The following KMT2B variants were observed in gnomAD, a reference collection of about 807,000 sequenced individuals.
The protein encoded by KMT2B is histone-lysine N-methyltransferase 2B.
A neutral mutation model predicts 255.3 loss-of-function variants in KMT2B; 22 were observed. The ratio of observed to expected loss-of-function variants is 0.09; its 90% CI spans 0.06 to 0.12. KMT2B has a LOEUF of 0.12. Among genes scored for constraint, KMT2B ranks in the 10% least tolerant of loss-of-function variants. KMT2B has a pLI of 1.00. For missense variants in KMT2B, 3,149 were observed against 3,737.0 expected, an observed-to-expected ratio of 0.84 and a Z score of 4.10; for synonymous variants, 1,730 against 1,498.1, an observed-to-expected ratio of 1.15 and a Z score of -3.57.
In KMT2B at chr19:35,720,660, C is replaced by A; in HGVS notation, c.1313C>A (p.Pro438Gln). ...LCPPPPPPVS[P>Q]PPLPSPPPPP... ...CCTCCACCACCACCCCCAGTGTCCC[C>A]ACCACCTCTACCATCCCCTCCACCG... Residue 438 changes from proline to glutamine, a missense_variant, in exon 3 of 37, where the codon CCA becomes CAA. Around this residue, in one of 18 missense-constraint regions of KMT2B, gnomAD observed 1,188 missense variants for 1,106.4 expected, o/e 1.07. Coordinates refer to ENST00000420124, the MANE Select transcript of KMT2B (RefSeq NM_014727.3). 1 of 1,477,462 alleles carries A rather than the reference C, an allele frequency of 6.8e-7. No homozygotes were observed. The highest frequency in any genetic ancestry group is 1.4e-5 in the South Asian group (1 of 70,584). 91.5% of individuals were successfully genotyped at this position (1,477,462 alleles called of 1,614,324 possible).
Position 35,720,650 on chromosome 19 carries a change from C to G in KMT2B, c.1303C>G (p.Pro435Ala), listed in dbSNP as rs748073369. ...CCCACTCTGCCCTCCACCACCACCC[C>G]CAGTGTCCCCACCACCTCTACCATC... ...PPPLCPPPPP[P>A]VSPPPLPSPP... The change falls in exon 3 of 37, where the codon CCA (proline) becomes GCA (alanine). Residue 435 changes from proline (P) to alanine (A), a missense_variant. Pro to Ala is a conservative substitution (Grantham distance 27, BLOSUM62 -1). This residue lies in a region of KMT2B where 1,188 missense variants were observed against 1,106.4 expected (regional missense o/e 1.07). Coordinates refer to ENST00000420124, the MANE Select transcript of KMT2B (RefSeq NM_014727.3). 73 of 1,474,038 alleles carry G rather than the reference C, an allele frequency of 5.0e-5. 1 individual carries two copies. The East Asian group carries it at 5.0e-4, about 10-fold the overall frequency. The allele number at this position is 1,474,038 out of a possible 1,614,324, so 91.3% of individuals were successfully genotyped here.
chr19:35,719,444 C>T (rs1039049978), intron 1 of KMT2B, 25 bp from the exon 2 acceptor site: 66 of 1,551,034 alleles, frequency 4.3e-5, no homozygotes, highest in Non-Finnish European at 5.4e-5. Flanking sequence ...CTGTTTCTCC[C>T]CTCCACCCCG....
chr19:35,733,362 G>A lies in KMT2B; in HGVS notation c.6813G>A (p.Pro2271=), dbSNP rs1228382612. ...TLVLSSGPAS[P]PRQAIRVKRV... ...TGCTGAGCAGTGGGCCAGCCAGCCC[G>A]CCCCGCCAGGCCATCCGCGTCAAGA... is the stretch of plus-strand genomic sequence containing the variant. Residue 2271 remains proline (P), a synonymous_variant, in exon 28 of 37, where the codon CCG becomes CCA. Transcript: ENST00000420124. This position sits in a 1 kb window ranked among gnomAD's most constrained non-coding sequence, Gnocchi z 4.3. 3.0e-5 allele frequency: 39 copies of A among 1,288,506 alleles called. No individual in the cohort carries two copies. Among genetic ancestry groups the A allele is most frequent in the South Asian group, 3.7e-5 (3 of 80,540 alleles). 79.8% of individuals were successfully genotyped at this position (1,288,506 alleles called of 1,614,324 possible).
Position 35,726,355 on chromosome 19 carries a change from T to G in KMT2B, c.4003+2T>G. 15 of 1,564,444 alleles carry G rather than the reference T, an allele frequency of 9.6e-6. No homozygotes were observed. The highest frequency in any genetic ancestry group is 1.3e-5 in the African/African-American group (1 of 74,086). On this transcript the variant is annotated splice_donor_variant, in intron 14 of 36. Transcript: ENST00000420124. LOFTEE classifies it high-confidence loss of function. The stretch of plus-strand genomic sequence containing the variant: ...GGTGCACCCAGCTATATGAGAAAGG[T>G]GGGGACCGGGCAGGGGAACTGGATG...
chr19:35,737,805 G>C lies in KMT2B; in HGVS notation c.7659-54G>C. On this transcript the variant is annotated intron_variant, in intron 34 of 36. Coordinates refer to ENST00000420124, the MANE Select transcript of KMT2B (RefSeq NM_014727.3). The surrounding 1 kb of genome is among the most constrained non-coding windows in gnomAD (Gnocchi z 5.3). Reference sequence around the variant, plus strand: ...GAAGGGTCTTAGAGAGTGAGCAGGGGTGAGAGAGGTCATTCTGAGCACCAG... The same window carrying C: ...GAAGGGTCTTAGAGAGTGAGCAGGGCTGAGAGAGGTCATTCTGAGCACCAG... 2.1e-5 allele frequency: 32 copies of C among 1,549,018 alleles called. No homozygotes were observed. Among genetic ancestry groups the C allele is most frequent in the Non-Finnish European group, 2.8e-5 (32 of 1,143,786 alleles).
rs1458011066 is a variant in KMT2B at position 35,733,979 on chromosome 19, G to A, written c.7159+107G>A. 9.2e-6 allele frequency: 7 copies of A among 764,652 alleles called. No individual in the cohort carries two copies. In the African/African-American group the frequency reaches 1.1e-4, roughly 12 times the overall value. 47.4% of individuals were successfully genotyped at this position (764,652 alleles called of 1,614,324 possible). A position where few individuals can be genotyped will look rare whatever the true frequency, so the allele number is the denominator to read the frequency against. On this transcript the variant is annotated intron_variant, in intron 30 of 36. Transcript: ENST00000420124. This position sits in a 1 kb window ranked among gnomAD's most constrained non-coding sequence, Gnocchi z 4.3. ...TCAAAACCAGTATCTACTCCCAGGG[G>A]CCAAGCCTGAGGCTCGGTGCTAGAG...
chr19:35,723,571 T>A lies in KMT2B; in HGVS notation c.3058+69T>A, dbSNP rs1443147132. Reference sequence around the variant, plus strand: ...GTTTGTGCTGTGGAGGGAGCTGTTTTTCTTTGCTCTCCTCCCTTGCAGCTC... The same window carrying A: ...GTTTGTGCTGTGGAGGGAGCTGTTTATCTTTGCTCTCCTCCCTTGCAGCTC... On this transcript the variant is annotated intron_variant, in intron 7 of 36. Transcript: ENST00000420124. The surrounding 1 kb of genome is among the most constrained non-coding windows in gnomAD (Gnocchi z 7.5). 3 of 1,425,476 alleles carry A rather than the reference T, an allele frequency of 2.1e-6. No individual in the cohort carries two copies. The African/African-American group carries it at 4.3e-5, about 20-fold the overall frequency. 88.3% of individuals were successfully genotyped at this position (1,425,476 alleles called of 1,614,324 possible).
rs750491483 is a variant in KMT2B at position 35,721,215 on chromosome 19, C to T, written c.1868C>T (p.Pro623Leu). 6.7e-7 allele frequency: 1 copy of T among 1,499,076 alleles called. No homozygotes were observed. Among genetic ancestry groups the T allele is most frequent in the Non-Finnish European group, 9.0e-7 (1 of 1,113,862 alleles). The allele number at this position is 1,499,076 out of a possible 1,614,324, so 92.9% of individuals were successfully genotyped here. A position where few individuals can be genotyped will look rare whatever the true frequency, so the allele number is the denominator to read the frequency against. The change falls in exon 3 of 37, where the codon CCA (proline) becomes CTA (leucine). Residue 623 changes from proline (P) to leucine (L), a missense_variant. Pro to Leu is a moderately conservative substitution (Grantham distance 98). Coordinates refer to ENST00000420124, the MANE Select transcript of KMT2B (RefSeq NM_014727.3). ...ACCCGGGAGCTGCCCCCTCCTCCCC[C>T]AGCCCCTCCACCTCCCCCGGCCCCC... ...SLTRELPPPP[P>L]APPPPPAPSP...
At chr19:35,730,262 A>T in intron 23 of KMT2B, 80 bp from the exon 24 acceptor site, 1 of 1,599,670 alleles carries the variant, frequency 6.3e-7, no homozygotes, top group Non-Finnish European at 8.5e-7. Flanking sequence ...CTTTAGGCCA[A>T]GCCCCTGACT....
Position 35,738,865 on chromosome 19 carries a change from T to C in KMT2B, c.*308T>C. 2.1e-6 allele frequency: 1 copy of C among 476,946 alleles called. No homozygotes were observed. The highest frequency in any genetic ancestry group is 3.0e-5 in the South Asian group (1 of 33,004). 29.5% of individuals were successfully genotyped at this position (476,946 alleles called of 1,614,324 possible). On this transcript the variant is annotated 3_prime_UTR_variant, in exon 37 of 37. Transcript: ENST00000420124. The surrounding 1 kb of genome is among the most constrained non-coding windows in gnomAD (Gnocchi z 8.7). The stretch of plus-strand genomic sequence containing the variant: ...GTGGGAACCCCCCCACAATAAAGTC[T>C]GTCAATGTTTGGAGAGGTGGTCTTC...
chr19:35,720,934 G>A lies in KMT2B; in HGVS notation c.1587G>A (p.Met529Ile), dbSNP rs755199038. The A allele has an allele frequency of 6.2e-7, 1 of 1,611,554 alleles. No homozygotes were observed. Among genetic ancestry groups the A allele is most frequent in the Non-Finnish European group, 8.5e-7 (1 of 1,179,120 alleles). The change falls in exon 3 of 37, where the codon ATG becomes ATA. Residue 529 changes from methionine to isoleucine, a missense_variant. By Grantham distance (10) the Met-to-Ile change is conservative. Coordinates refer to ENST00000420124, the MANE Select transcript of KMT2B (RefSeq NM_014727.3). ...TFLKNIRQFI[M>I]PVVSARSSRV... ...TGAAGAATATCCGGCAGTTTATTAT[G>A]CCTGTGGTGAGTGCCCGCTCCTCCC...
intron 14 of KMT2B, among the ~76,000 whole-genome samples, chr19:35,726,938 C>G (rs1969475319): frequency 7.0e-6 from 1 of 142,668 alleles, no homozygotes; most frequent in Non-Finnish European, 1.5e-5. Flanking sequence ...GAGCGGAGAT[C>G]TTGCCACTGC....
At chr19:35,730,973 C>A in intron 26 of KMT2B, 106 bp downstream of exon 26, 1 of 1,259,466 alleles carries the variant, frequency 7.9e-7, no homozygotes, top group Non-Finnish European at 1.1e-6. Flanking sequence ...CTTGCTTTTG[C>A]TTCAGTTGCT....
Position 35,730,429 on chromosome 19 carries a change from G to A in KMT2B, c.5164G>A (p.Gly1722Arg). The A allele has an allele frequency of 6.2e-7, 1 of 1,613,778 alleles. No individual in the cohort carries two copies. ...GINFKRKFLT[G>R]LEPDAINVLI... Reference sequence around the variant, plus strand: ...CAACTTCAAGCGGAAGTTCTTGACGGGGCTTGAACCCGATGCCATCAACGT... The same window carrying A: ...CAACTTCAAGCGGAAGTTCTTGACGAGGCTTGAACCCGATGCCATCAACGT... Residue 1722 changes from glycine (G) to arginine (R), a missense_variant, in exon 24 of 37, where the codon GGG (glycine) becomes AGG (arginine). Physicochemically the swap from Gly to Arg is moderately radical, Grantham distance 125 (BLOSUM62 -2). Around this residue, in one of 18 missense-constraint regions of KMT2B, gnomAD observed 58 missense variants for 96.9 expected, o/e 0.60. Transcript: ENST00000420124.
chr19:35,728,857 A>G lies in KMT2B; in HGVS notation c.4655A>G (p.Glu1552Gly), dbSNP rs1455297395. Residue 1552 changes from glutamate (E) to glycine (G), a missense_variant, in exon 20 of 37, where the codon GAA (glutamate) becomes GGA (glycine). By Grantham distance (98) the Glu-to-Gly change is moderately conservative (BLOSUM62 -2). Around this residue, in one of 18 missense-constraint regions of KMT2B, gnomAD observed 377 missense variants for 471.0 expected, o/e 0.80. Coordinates refer to ENST00000420124, the MANE Select transcript of KMT2B (RefSeq NM_014727.3). Reference sequence around the variant, plus strand: ...AGACAGCAGGAACCAGAGACCCCAGAATCAGGGCAGCCTCCAGGGGATCCC... The same window carrying G: ...AGACAGCAGGAACCAGAGACCCCAGGATCAGGGCAGCCTCCAGGGGATCCC... Reference protein sequence around the residue: ...QWRQQEPETPESGQPPGDPSA... With the variant: ...QWRQQEPETPGSGQPPGDPSA... 6.2e-7 allele frequency: 1 copy of G among 1,613,894 alleles called. No individual in the cohort carries two copies. Among genetic ancestry groups the G allele is most frequent in the South Asian group, 1.1e-5 (1 of 91,078 alleles).
At position 35,728,883 on chromosome 19, in the gene KMT2B, T is replaced by G; in HGVS notation, c.4681T>G (p.Ser1561Ala). 6.2e-7 allele frequency: 1 copy of G among 1,613,734 alleles called. No homozygotes were observed. The highest frequency in any genetic ancestry group is 2.2e-5 in the East Asian group (1 of 44,880). ...PESGQPPGDPSAAFQGKDPAA... is the reference protein window; with the variant it reads ...PESGQPPGDPAAAFQGKDPAA... Reference sequence around the variant, plus strand: ...ATCAGGGCAGCCTCCAGGGGATCCCTCAGCAGGTACTGGGAAGTGGGGGTC... The same window carrying G: ...ATCAGGGCAGCCTCCAGGGGATCCCGCAGCAGGTACTGGGAAGTGGGGGTC... Residue 1561 changes from serine to alanine, a missense_variant, in exon 20 of 37, where the codon TCA becomes GCA. Ser to Ala is a moderately conservative substitution (Grantham distance 99, BLOSUM62 1). Transcript: ENST00000420124.
At position 35,737,568 on chromosome 19, in the gene KMT2B, C is replaced by A. The variant is rs1969967504; in HGVS notation, c.7551-68C>A. 8 of 1,045,392 alleles carry A rather than the reference C, an allele frequency of 7.7e-6. No homozygotes were observed. The highest frequency in any genetic ancestry group is 9.7e-6 in the Non-Finnish European group (7 of 719,104). The allele number at this position is 1,045,392 out of a possible 1,614,324, so 64.8% of individuals were successfully genotyped here. A position where few individuals can be genotyped will look rare whatever the true frequency, so the allele number is the denominator to read the frequency against. ...CTAGAGCTGACATCAGAAAAATGAACCCCACCCATTTCCCTGTTAGCTCTG... is the reference window on the plus strand; with the variant it reads ...CTAGAGCTGACATCAGAAAAATGAAACCCACCCATTTCCCTGTTAGCTCTG... On this transcript the variant is annotated intron_variant, in intron 33 of 36. Transcript: ENST00000420124. The surrounding 1 kb of genome is among the most constrained non-coding windows in gnomAD (Gnocchi z 5.3).
intron 13 of KMT2B, among the ~76,000 whole-genome samples, 175 bp from the exon 14 acceptor site, chr19:35,726,061 G>C (rs1969426875): frequency 1.3e-5 from 2 of 152,200 alleles, no homozygotes. Flanking sequence ...GCTATAGCCT[G>C]ATGTCCTCTC....
At position 35,733,629 on chromosome 19, in the gene KMT2B, T is replaced by C; in HGVS notation, c.6992T>C (p.Val2331Ala). ...CGTGTGAGGATGAAAACCCCCACAG[T>C]GCGTGGGGTCCTTGACCTGGATCGG... is the stretch of plus-strand genomic sequence containing the variant. ...FSRVRMKTPT[V>A]RGVLDLDRPG... The change falls in exon 29 of 37, where the codon GTG becomes GCG. Residue 2331 changes from valine to alanine, a missense_variant. Transcript: ENST00000420124. The surrounding 1 kb of genome is among the most constrained non-coding windows in gnomAD (Gnocchi z 4.3). The C allele has an allele frequency of 6.3e-7, 1 of 1,593,298 alleles. No individual in the cohort carries two copies. Among genetic ancestry groups the C allele is most frequent in the Non-Finnish European group, 8.5e-7 (1 of 1,170,240 alleles).
Sources: gnomAD v4.1 joint callset for allele counts (sites outside exome capture counted in the v4.1 genomes callset) on GRCh38, gnomAD v4.1.1 for gene constraint, gnomAD v4.1.1 regional missense constraint, Gnocchi (gnomAD v3.1) non-coding constraint, MANE v1.5 for transcripts, NCBI Gene and HGNC (gene_info 2026-07-23, HGNC 2026-07-21) for gene names.